The following EMCN variants were observed in gnomAD, a reference collection of about 807,000 sequenced individuals.
The protein encoded by EMCN is endomucin.
In EMCN, 37 loss-of-function variants were observed where a neutral mutation model predicts 38.4. The observed-to-expected ratio is 0.96, with a 90% confidence interval of 0.74 to 1.27. The LOEUF (loss-of-function observed/expected upper bound fraction) is 1.27, where lower values mean the gene tolerates loss of function less well. Ranked by LOEUF, EMCN falls within the 50% of genes most tolerant of loss-of-function variation. EMCN has a pLI of 0.00. For synonymous variants in EMCN, 95 were observed against 100.8 expected (o/e 0.94, Z 0.35); for missense variants, 318 against 302.8 (o/e 1.05, Z -0.37).
At chr4:100,402,415 G>T (rs1423058501) in intron 11 of EMCN, among the ~76,000 whole-genome samples, 2 of 152,094 alleles carry the variant, frequency 1.3e-5, no homozygotes, top group Admixed American at 6.6e-5. Context: ...TAGGTTTGAT[G>T]AATTCATTTC....
chr4:100,493,538 T>C (rs1729138994), intron 1 of EMCN, among the ~76,000 whole-genome samples: 1 of 152,180 alleles, frequency 6.6e-6, no homozygotes, highest in Non-Finnish European at 1.5e-5. Flanking sequence ...TCACACTAAA[T>C]ATTGTCTATA....
At chr4:100,500,330 A>C (rs1347071032) in intron 1 of EMCN, among the ~76,000 whole-genome samples, 1 of 152,128 alleles carries the variant, frequency 6.6e-6, no homozygotes, top group Non-Finnish European at 1.5e-5. Flanking sequence ...AGTTTTATTT[A>C]TTTCTGCCTA....
At chr4:100,405,836 T>C (rs1726377162) in intron 11 of EMCN, among the ~76,000 whole-genome samples, 1 of 152,114 alleles carries the variant, frequency 6.6e-6, no homozygotes, top group African/African-American at 2.4e-5. Flanking sequence ...AATTCAGCTG[T>C]GAATCTGTCT....
At chr4:100,487,615 C>T (rs187738739) in intron 1 of EMCN, among the ~76,000 whole-genome samples, 1 of 152,288 alleles carries the variant, frequency 6.6e-6, no homozygotes, top group Admixed American at 6.5e-5. Flanking sequence ...ATCATGGGGA[C>T]AGTTTTCCCC....
chr4:100,482,661 A>G (rs915142912), intron 1 of EMCN, among the ~76,000 whole-genome samples: 1 of 152,122 alleles, frequency 6.6e-6, no homozygotes, highest in Non-Finnish European at 1.5e-5. Context: ...CGAACTGTAG[A>G]GGACCATGAA....
Position 100,475,827 on chromosome 4 carries a change from G to A in EMCN, c.188-718C>T, listed in dbSNP as rs576113450. On this transcript the variant is annotated intron_variant, in intron 2 of 11. Coordinates refer to ENST00000296420, the MANE Select transcript of EMCN (RefSeq NM_016242.4). ...CGAGTAGATGGGACTACAGGCGCCC[G>A]CCACCACGCCCGGCTAATTTTTTTG... 5.3e-5 allele frequency among the ~76,000 whole-genome samples: 8 copies of A among 151,642 alleles called. No individual in the cohort carries two copies. In the East Asian group the frequency reaches 1.2e-3, roughly 22 times the overall value.
intron 2 of EMCN, among the ~76,000 whole-genome samples, chr4:100,476,255 T>G: frequency 7.1e-6 from 1 of 140,406 alleles, no homozygotes; most frequent in East Asian, 2.4e-4. Context: ...CCTTCCTTCC[T>G]TTTTTCCTTC....
chr4:100,449,736 A>T (rs934169287), intron 4 of EMCN, among the ~76,000 whole-genome samples: 1 of 152,052 alleles, frequency 6.6e-6, no homozygotes, highest in Non-Finnish European at 1.5e-5. Flanking sequence ...TAATAAAAGA[A>T]ATATAACTAT....
At chr4:100,489,844 G>A (rs191799985) in intron 1 of EMCN, among the ~76,000 whole-genome samples, 2 of 152,146 alleles carry the variant, frequency 1.3e-5, no homozygotes, top group Non-Finnish European at 2.9e-5. Flanking sequence ...AGCATGCCTA[G>A]ATTTCAGTAC....
intron 5 of EMCN, among the ~76,000 whole-genome samples, chr4:100,429,344 T>C (rs1177218020): frequency 1.3e-5 from 2 of 152,208 alleles, no homozygotes; most frequent in African/African-American, 2.4e-5. Flanking sequence ...GTTGATATAA[T>C]CCTGGAGTCT....
intron 8 of EMCN, among the ~76,000 whole-genome samples, 189 bp from the exon 9 acceptor site, chr4:100,417,330 C>A (rs1726764893): frequency 1.3e-5 from 2 of 152,168 alleles, no homozygotes; most frequent in Admixed American, 1.3e-4. Context: ...CTTATCCTGG[C>A]ACTCATGGGA....
At chr4:100,501,440 C>T (rs1489584832) in intron 1 of EMCN, among the ~76,000 whole-genome samples, 1 of 152,078 alleles carries the variant, frequency 6.6e-6, no homozygotes, top group Non-Finnish European at 1.5e-5. Context: ...GATTTGTCTA[C>T]CTTGCACCAA....
At chr4:100,455,509 G>GTTTTTTTTT (rs11432936) in intron 4 of EMCN, among the ~76,000 whole-genome samples, 4 of 133,534 alleles carry the variant, frequency 3.0e-5, no homozygotes, top group Non-Finnish European at 6.2e-5. Flanking sequence ...AGGGTGAAAA[G>GTTTTTTTTT]TTTTTTTTTT....
chr4:100,473,019 A>ATT lies in EMCN; in HGVS notation c.259+2018_259+2019insAA, dbSNP rs1402492849. Among the ~76,000 whole-genome samples the ATT allele has an allele frequency of 1.5e-4, 9 of 61,690 alleles. No homozygotes were observed. In the South Asian group the frequency reaches 4.7e-3, roughly 32 times the overall value. 40.5% of individuals were successfully genotyped at this position (61,690 alleles called of 152,430 possible). On this transcript the variant is annotated intron_variant, in intron 3 of 11. Transcript: ENST00000296420. ...AAGTATATATATATATTATATATAT[A>ATT]TATTTTTTTTTTTTGAGGTGGAGTT...
chr4:100,486,759 G>T, intron 1 of EMCN: 1 of 739,474 alleles, frequency 1.4e-6, no homozygotes, highest in Non-Finnish European at 1.7e-6. Context: ...TGGTGAGTTT[G>T]TTAAACAGAA....
intron 1 of EMCN, among the ~76,000 whole-genome samples, chr4:100,517,028 T>A (rs1001379827): frequency 6.6e-6 from 1 of 152,080 alleles, no homozygotes; most frequent in Non-Finnish European, 1.5e-5. Flanking sequence ...GTCTTACTTG[T>A]TTTTATATTC....
chr4:100,485,254 G>T (rs927639173), intron 1 of EMCN, among the ~76,000 whole-genome samples: 2 of 152,010 alleles, frequency 1.3e-5, no homozygotes, highest in Admixed American at 1.3e-4. Context: ...TTCATGCATT[G>T]CTACCTTGTA....
In EMCN at chr4:100,477,029, A is replaced by G. The variant is rs7659430; in HGVS notation, c.188-1920T>C. On this transcript the variant is annotated intron_variant, in intron 2 of 11. Transcript: ENST00000296420. ...TTAGTTTCTACATAGAGGATGTACA[A>G]TGGAAACATCACCATATTTAGCACC... 4.1e-3 allele frequency among the ~76,000 whole-genome samples: 627 copies of G among 152,322 alleles called. 7 individuals carry two copies. Among genetic ancestry groups the G allele is most frequent in the African/African-American group, 0.014 (588 of 41,566 alleles).
At chr4:100,412,393 A>C (rs1156420241) in intron 10 of EMCN, among the ~76,000 whole-genome samples, 3 of 152,194 alleles carry the variant, frequency 2.0e-5, no homozygotes, top group Non-Finnish European at 4.4e-5. Flanking sequence ...TAAATGGTTC[A>C]AAATCAACTG....
Sources: gnomAD v4.1 joint callset for allele counts (sites outside exome capture counted in the v4.1 genomes callset) on GRCh38, gnomAD v4.1.1 for gene constraint, MANE v1.5 for transcripts, NCBI Gene and HGNC (gene_info 2026-07-23, HGNC 2026-07-21) for gene names.